Variants in ZNF232 observed in about 807,000 individuals in gnomAD.
The protein encoded by ZNF232 is zinc finger and SCAN domain-containing protein 11.
Under a neutral mutation model 25.2 loss-of-function variants are expected in ZNF232, and 25 were observed. The observed-to-expected ratio is 0.99, with a 90% confidence interval of 0.72 to 1.39. ZNF232 has a LOEUF of 1.39. Among genes scored for constraint, ZNF232 ranks in the 40% most tolerant of loss-of-function variants. ZNF232 has a pLI of 0.00. For missense variants in ZNF232, 519 were observed against 520.9 expected (o/e 1.00, Z 0.04); for synonymous variants, 193 against 182.9 (o/e 1.06, Z -0.45).
At chr17:5,110,490 T>G (rs972057211) in intron 1 of ZNF232, among the ~76,000 whole-genome samples, 2 of 152,166 alleles carry the variant, frequency 1.3e-5, no homozygotes, top group Non-Finnish European at 2.9e-5. Flanking sequence ...AAACCCAAGT[T>G]TCCAGATGCA....
upstream of ZNF232, chr17:5,112,038 T>G: frequency 1.5e-6 from 1 of 680,768 alleles, no homozygotes; most frequent in South Asian, 2.0e-5. Flanking sequence ...GCGCGCCGCC[T>G]GCACGACTGG....
intron 2 of ZNF232, 21 bp downstream of exon 2, chr17:5,109,373 A>C: frequency 6.2e-7 from 1 of 1,613,844 alleles, no homozygotes; most frequent in Non-Finnish European, 8.5e-7. Context: ...CTCCCATAAC[A>C]GACCAAATCC....
At chr17:5,111,895 G>T, upstream of ZNF232, 1 of 1,595,182 alleles carries the variant, frequency 6.3e-7, no homozygotes, top group Non-Finnish European at 8.5e-7. Context: ...GCAGGTCGCA[G>T]CCTCGGCCTC....
chr17:5,106,061 C>T lies in ZNF232; in HGVS notation c.1071G>A (p.Lys357=), dbSNP rs111234635. 163 of 1,614,168 alleles carry T rather than the reference C, an allele frequency of 1.0e-4. No individual in the cohort carries two copies. The African/African-American group carries it at 2.0e-3, about 20-fold the overall frequency. Residue 357 remains lysine, a synonymous_variant, in exon 4 of 4, where the codon AAG becomes AAA. Coordinates refer to ENST00000575898, the Ensembl canonical transcript of ZNF232. ...CAAGATGAGCACCCCATCTGAAGGC[C>T]TTCCCACATTCATTACATTCGAAGG... is the stretch of plus-strand genomic sequence containing the variant.
chr17:5,111,928 C>T (rs555213133), upstream of ZNF232: 34 of 1,481,554 alleles, frequency 2.3e-5, no homozygotes, highest in African/African-American at 4.4e-4. Flanking sequence ...TCCTCCTCGC[C>T]GCCGGCTTCC....
rs116603413 is a variant in ZNF232, at chr17:5,111,298, G to A, written c.23+502C>T. The A allele has an allele frequency of 5.8e-3, 936 of 160,080 alleles. 3 individuals carry two copies. The highest frequency in any genetic ancestry group is 0.031 in the Middle Eastern group (10 of 322). The allele number at this position is 160,080 out of a possible 1,614,324, so 9.9% of individuals were successfully genotyped here. ...AAGCTTAACTTTTCCCTTTGTCATAGTAAGTTTGGGGTCCTGAGATTTTAT... is the reference window on the plus strand; with the variant it reads ...AAGCTTAACTTTTCCCTTTGTCATAATAAGTTTGGGGTCCTGAGATTTTAT... On this transcript the variant is annotated intron_variant, in intron 1 of 3. Coordinates refer to ENST00000575898, the Ensembl canonical transcript of ZNF232.
intron 3 of ZNF232, among the ~76,000 whole-genome samples, chr17:5,107,376 A>G (rs1171982480): frequency 8.6e-6 from 1 of 116,096 alleles, no homozygotes; most frequent in Non-Finnish European, 1.7e-5. Context: ...CGACAGAGCG[A>G]GACTCCATCT....
chr17:5,112,991 C>T (rs56267641), upstream of ZNF232, among the ~76,000 whole-genome samples: 4,020 of 152,204 alleles, frequency 0.026, 60 homozygotes, highest in Middle Eastern at 0.044. Flanking sequence ...AAATTTATCT[C>T]ACTATCAATT....
At chr17:5,119,338 A>C (rs571523035) in intron 1 of ZNF232, among the ~76,000 whole-genome samples, 1 of 152,328 alleles carries the variant, frequency 6.6e-6, no homozygotes, top group African/African-American at 2.4e-5. Flanking sequence ...TACAAATTGG[A>C]CATTACTACA....
chr17:5,106,547 G>C lies in ZNF232; in HGVS notation c.626-41C>G, dbSNP rs760061762. ...AATATACCTGTTCTGGATGTATGAA[G>C]AAATGACACTTAGATTAAAATGTAT... On this transcript the variant is annotated intron_variant, in intron 3 of 3. Transcript: ENST00000575898. 6.4e-7 allele frequency: 1 copy of C among 1,560,018 alleles called. No individual in the cohort carries two copies. The highest frequency in any genetic ancestry group is 1.2e-5 in the South Asian group (1 of 83,586).
chr17:5,108,955 G>A (rs2072327720), exon 3 of ZNF232: 1 of 1,614,012 alleles, frequency 6.2e-7, no homozygotes, highest in African/African-American at 1.3e-5. Flanking sequence ...GGTCTCCTTA[G>A]GCTGGAGCTG....
chr17:5,106,364 T>A, exon 4 of ZNF232: 1 of 1,614,246 alleles, frequency 6.2e-7, no homozygotes, highest in Non-Finnish European at 8.5e-7. Flanking sequence ...TCTGCTGCAG[T>A]TCTAAGGTAC....
chr17:5,108,269 A>C (rs2072309951), intron 3 of ZNF232, among the ~76,000 whole-genome samples: 1 of 152,174 alleles, frequency 6.6e-6, no homozygotes, highest in Non-Finnish European at 1.5e-5. Flanking sequence ...CAACAAGGAG[A>C]GTTCACGCCC....
At chr17:5,106,445 A>G in exon 4 of ZNF232, 1 of 1,614,226 alleles carries the variant, frequency 6.2e-7, no homozygotes, top group Non-Finnish European at 8.5e-7. Context: ...ATTCCACTTC[A>G]GTAATGGGTG....
At chr17:5,109,589 T>A (rs1322517397) in exon 2 of ZNF232, 5 of 1,614,208 alleles carry the variant, frequency 3.1e-6, no homozygotes, top group Non-Finnish European at 4.2e-6. Flanking sequence ...AGCAGAGTAC[T>A]CGTAGTTGGC....
chr17:5,105,977 C>G lies in ZNF232; in HGVS notation c.1155G>C (p.Lys385Asn), dbSNP rs767176364. The G allele has an allele frequency of 5.6e-6, 9 of 1,614,130 alleles. No individual in the cohort carries two copies. The Admixed American group carries it at 1.3e-4, about 24-fold the overall frequency. ...TTAGATATGAGCTTTGACTAAAGGC[C>G]TTCCCACACTCATTACACTCATAGG... Residue 385 changes from lysine to asparagine, a missense_variant, in exon 4 of 4, where the codon AAG becomes AAC. Lys to Asn is a moderately conservative substitution (Grantham distance 94). Coordinates refer to ENST00000575898, the Ensembl canonical transcript of ZNF232.
chr17:5,122,663 C>T (rs1227467903), intron 1 of ZNF232, among the ~76,000 whole-genome samples: 1 of 152,204 alleles, frequency 6.6e-6, no homozygotes, highest in Non-Finnish European at 1.5e-5. Context: ...CTGGACACAG[C>T]TCCGCCCTTC....
At chr17:5,115,363 C>T (rs1049180937), upstream of ZNF232, among the ~76,000 whole-genome samples, 1 of 152,068 alleles carries the variant, frequency 6.6e-6, no homozygotes, top group Admixed American at 6.5e-5. Flanking sequence ...ACCAGCCTGG[C>T]CAACATGGTG....
chr17:5,109,183 C>T, intron 2 of ZNF232, 131 bp from the exon 3 acceptor site: 2 of 1,386,524 alleles, frequency 1.4e-6, no homozygotes, highest in South Asian at 2.6e-5. Flanking sequence ...TAGAGAGCCT[C>T]CTCAGAGTCA....
Sources: allele counts gnomAD v4.1 joint callset (sites outside exome capture counted in the v4.1 genomes callset), GRCh38; gene constraint gnomAD v4.1.1; transcripts MANE v1.5; gene names NCBI Gene and HGNC (gene_info 2026-07-23, HGNC 2026-07-21).